The following SUSD4 variants were observed in gnomAD, a reference collection of about 807,000 sequenced individuals.
SUSD4 encodes sushi domain-containing protein 4.
In SUSD4, 41 loss-of-function variants were observed where a neutral mutation model predicts 50.5. The ratio of observed to expected loss-of-function variants is 0.81; its 90% CI spans 0.63 to 1.05. The LOEUF is 1.05. Among genes scored for constraint, SUSD4 ranks in the 50% least tolerant of loss-of-function variants. SUSD4 has a pLI of 0.00. For missense variants in SUSD4, 580 were observed against 634.7 expected, an observed-to-expected ratio of 0.91 and a Z score of 0.93; for synonymous variants, 257 against 257.3, an observed-to-expected ratio of 1.00 and a Z score of 0.01.
chr1:223,244,496 G>A (rs912609462), intron 5 of SUSD4, among the ~76,000 whole-genome samples: 2 of 152,182 alleles, frequency 1.3e-5, no homozygotes, highest in Admixed American at 6.5e-5. Flanking sequence ...AAGAAGGAGA[G>A]TCTGTGGATG....
chr1:223,273,929 AGTAGAAT>A (rs1450422678), intron 3 of SUSD4, among the ~76,000 whole-genome samples: 1 of 152,192 alleles, frequency 6.6e-6, no homozygotes, highest in Non-Finnish European at 1.5e-5. Flanking sequence ...CTTAGCCATG[AGTAGAAT>A]AGTTTTCCTG....
chr1:223,295,841 A>T (rs527924529), intron 2 of SUSD4, among the ~76,000 whole-genome samples: 45 of 139,574 alleles, frequency 3.2e-4, no homozygotes, highest in African/African-American at 1.1e-3. Context: ...TTAAAGTATA[A>T]AAAAAAAAAA....
chr1:223,236,243 A>G (rs903693198), intron 5 of SUSD4, among the ~76,000 whole-genome samples: 2 of 152,180 alleles, frequency 1.3e-5, no homozygotes, highest in African/African-American at 4.8e-5. Flanking sequence ...AATATTTTGG[A>G]TAACAGTCCT....
chr1:223,363,140 G>T (rs1669092220), intron 2 of SUSD4, 138 bp downstream of exon 2: 1 of 1,088,572 alleles, frequency 9.2e-7, no homozygotes. Context: ...CATAGGCTGG[G>T]ACGCAGGCAC....
intron 2 of SUSD4, among the ~76,000 whole-genome samples, chr1:223,342,685 C>T (rs1451865406): frequency 6.6e-6 from 1 of 152,154 alleles, no homozygotes; most frequent in Non-Finnish European, 1.5e-5. Context: ...ACTGTTGGTA[C>T]AATTGGCTAA....
chr1:223,282,710 G>T (rs1283555101), intron 3 of SUSD4, among the ~76,000 whole-genome samples: 1 of 152,138 alleles, frequency 6.6e-6, no homozygotes, highest in East Asian at 1.9e-4. Context: ...AGCTACCAAT[G>T]ACTTTCTTCA....
At chr1:223,283,608 T>C (rs1292766569) in intron 3 of SUSD4, among the ~76,000 whole-genome samples, 3 of 152,124 alleles carry the variant, frequency 2.0e-5, no homozygotes, top group Admixed American at 6.5e-5. Flanking sequence ...TGTGGAGAAA[T>C]AGGAACACTT....
chr1:223,311,122 T>G (rs1172614787), intron 2 of SUSD4, among the ~76,000 whole-genome samples: 1 of 152,144 alleles, frequency 6.6e-6, no homozygotes, highest in Non-Finnish European at 1.5e-5. Flanking sequence ...GCAGGTACCA[T>G]GAGACAAGGA....
intron 5 of SUSD4, among the ~76,000 whole-genome samples, chr1:223,252,133 G>A (rs1383567475): frequency 6.7e-6 from 1 of 149,640 alleles, no homozygotes; most frequent in African/African-American, 2.5e-5. Context: ...ACGAGTTAAT[G>A]GGTGCAGCAC....
intron 2 of SUSD4, among the ~76,000 whole-genome samples, chr1:223,322,106 G>A (rs1666605593): frequency 6.6e-6 from 1 of 151,600 alleles, no homozygotes; most frequent in South Asian, 2.1e-4. Flanking sequence ...TTTCCGGATT[G>A]GAGATGCTTA....
intron 3 of SUSD4, among the ~76,000 whole-genome samples, chr1:223,281,911 C>T (rs867588986): frequency 2.6e-5 from 4 of 152,310 alleles, no homozygotes; most frequent in South Asian, 2.1e-4. Flanking sequence ...GGCTTCATCC[C>T]TAGGATGCAA....
intron 3 of SUSD4, among the ~76,000 whole-genome samples, chr1:223,291,983 T>C (rs1421148103): frequency 6.6e-6 from 1 of 152,232 alleles, no homozygotes; most frequent in Non-Finnish European, 1.5e-5. Flanking sequence ...TCACAGTTCT[T>C]TCTTTTCCTA....
chr1:223,346,301 T>C (rs1462704291), intron 2 of SUSD4, among the ~76,000 whole-genome samples: 3 of 152,196 alleles, frequency 2.0e-5, no homozygotes, highest in Non-Finnish European at 2.9e-5. Context: ...GGCTCGTCGA[T>C]GGCCTCCTGA....
intron 3 of SUSD4, among the ~76,000 whole-genome samples, chr1:223,269,772 G>A (rs925813425): frequency 6.6e-6 from 1 of 152,002 alleles, no homozygotes; most frequent in Admixed American, 6.5e-5. Flanking sequence ...ATTTCTCAAC[G>A]CTTTAAAAGA....
chr1:223,264,316 T>C, intron 5 of SUSD4: 1 of 1,071,786 alleles, frequency 9.3e-7, no homozygotes, highest in Non-Finnish European at 1.1e-6. Flanking sequence ...CTGTTCCCAT[T>C]TGGTGCAGAG....
chr1:223,222,313 T>C, intron 8 of SUSD4, 93 bp from the exon 9 acceptor site: 1 of 1,360,698 alleles, frequency 7.3e-7, no homozygotes, highest in Non-Finnish European at 1.0e-6. Context: ...CTACAGTTTC[T>C]CAAATCAGTG....
chr1:223,269,312 G>A (rs1662746960), intron 3 of SUSD4, among the ~76,000 whole-genome samples: 2 of 152,206 alleles, frequency 1.3e-5, no homozygotes, highest in African/African-American at 2.4e-5. Flanking sequence ...TAAAAATGGA[G>A]TAAGAGCAAA....
intron 5 of SUSD4, among the ~76,000 whole-genome samples, chr1:223,257,607 C>G (rs1661790738): frequency 6.6e-6 from 1 of 152,230 alleles, no homozygotes; most frequent in Non-Finnish European, 1.5e-5. Context: ...GCTCTGTATT[C>G]TATGACCAGT....
intron 8 of SUSD4, among the ~76,000 whole-genome samples, chr1:223,222,496 G>A (rs1659194317): frequency 6.6e-6 from 1 of 152,088 alleles, no homozygotes; most frequent in Non-Finnish European, 1.5e-5. Context: ...GGTCACACAA[G>A]CCAGAAAGTT....
Sources: gnomAD v4.1 joint callset for allele counts (sites outside exome capture counted in the v4.1 genomes callset) on GRCh38, gnomAD v4.1.1 for gene constraint, MANE v1.5 for transcripts, NCBI Gene and HGNC (gene_info 2026-07-23, HGNC 2026-07-21) for gene names.